RABL6: variants seen among roughly 807,000 people sequenced by gnomAD.
The protein encoded by RABL6 is rab-like protein 6.
In RABL6, 28 loss-of-function variants were observed where a neutral mutation model predicts 72.9. The ratio of observed to expected loss-of-function variants is 0.38; its 90% CI spans 0.28 to 0.53. The LOEUF (loss-of-function observed/expected upper bound fraction) is 0.53. Ranked by LOEUF, RABL6 falls within the 20% of genes least tolerant of loss-of-function variation. The probability of loss-of-function intolerance (pLI) is 0.80; values close to 1 mark genes in which losing one functional copy is unlikely to be tolerated. For synonymous variants in RABL6, 477 were observed against 421.2 expected (o/e 1.13, Z -1.62); for missense variants, 1,029 against 1,008.4 (o/e 1.02, Z -0.28).
chr9:136,821,125 A>G (rs1170672834), intron 1 of RABL6, among the ~76,000 whole-genome samples: 2 of 152,322 alleles, frequency 1.3e-5, no homozygotes, highest in Admixed American at 6.5e-5. Context: ...CTTTGTTAAC[A>G]TTGGTTCTTG....
At chr9:136,815,288 A>G in intron 1 of RABL6, 1 of 279,630 alleles carries the variant, frequency 3.6e-6, no homozygotes, top group Non-Finnish European at 7.3e-6. Context: ...CTTTGCCTGG[A>G]GTGACAGTTG....
In RABL6 at chr9:136,828,636, A is replaced by G. The variant is rs1439810899; in HGVS notation, c.366+90A>G. 21 of 1,403,810 alleles carry G rather than the reference A, an allele frequency of 1.5e-5. No homozygotes were observed. The East Asian group carries it at 4.4e-4, about 29-fold the overall frequency. 87.0% of individuals were successfully genotyped at this position (1,403,810 alleles called of 1,614,324 possible). On this transcript the variant is annotated intron_variant, in intron 4 of 14. Transcript: ENST00000311502. ...AGCGCTTCACACGCTTTTGACCCCA[A>G]CCACCCCAGTTATGCTGTGGCCACG...
chr9:136,840,123 G>C, intron 13 of RABL6, 31 bp from the exon 14 acceptor site: 1 of 1,612,948 alleles, frequency 6.2e-7, no homozygotes, highest in Non-Finnish European at 8.5e-7. Context: ...GTTGGCCTGA[G>C]TTTGAGCCAC....
At position 136,839,548 on chromosome 9, in the gene RABL6, G is replaced by C; in HGVS notation, c.1758+62G>C. On this transcript the variant is annotated intron_variant, in intron 12 of 14. Transcript: ENST00000311502. ...TGGCCAGGGTCCCTCCCACAGGCCTGATCTGGGTGGGTGCAGTGGGAGGAG... is the reference window on the plus strand; with the variant it reads ...TGGCCAGGGTCCCTCCCACAGGCCTCATCTGGGTGGGTGCAGTGGGAGGAG... The C allele has an allele frequency of 3.2e-6, 5 of 1,568,508 alleles. No homozygotes were observed. The East Asian group carries it at 9.0e-5, about 28-fold the overall frequency.
chr9:136,837,022 C>T (rs1223983077), intron 8 of RABL6: 6 of 445,532 alleles, frequency 1.3e-5, no homozygotes, highest in South Asian at 6.1e-5. Context: ...TACAGGCACC[C>T]GCCACCACAC....
intron 1 of RABL6, among the ~76,000 whole-genome samples, chr9:136,810,945 C>T (rs75060235): frequency 0.023 from 3,472 of 152,244 alleles, 129 homozygotes; most frequent in African/African-American, 0.079. Flanking sequence ...GGAACTGCTG[C>T]GGGTTTCCAG....
At chr9:136,812,930 C>A (rs562318151) in intron 1 of RABL6, 2 of 341,764 alleles carry the variant, frequency 5.9e-6, no homozygotes, top group Non-Finnish European at 1.2e-5. Flanking sequence ...AAGCCACCTT[C>A]GCCCTTAGGT....
rs1848348036 is a variant in RABL6 at position 136,826,003 on chromosome 9, C to G, written c.313+177C>G. Among the ~76,000 whole-genome samples the G allele has an allele frequency of 6.6e-6, 1 of 152,198 alleles. No individual in the cohort carries two copies. The highest frequency in any genetic ancestry group is 2.4e-5 in the African/African-American group (1 of 41,452). ...TGGCGACCCCGCAGCGTGGCGCAGC[C>G]CCTCCTGTGGCACTGCATGCTTTGC... On this transcript the variant is annotated intron_variant, in intron 3 of 14. Transcript: ENST00000311502. The surrounding 1 kb of genome is among the most constrained non-coding windows in gnomAD (Gnocchi z 4.9).
In RABL6 at chr9:136,839,693, G is replaced by A; in HGVS notation, c.1759-1G>A. 6.3e-7 allele frequency: 1 copy of A among 1,579,360 alleles called. No homozygotes were observed. Among genetic ancestry groups the A allele is most frequent in the Non-Finnish European group, 8.6e-7 (1 of 1,159,424 alleles). ...CTGACCAGTTGCTCTCCCTGCTCCA[G>A]GATGACTTTCCCGTGCGAGATGACC... On this transcript the variant is annotated splice_acceptor_variant, in intron 12 of 14. Transcript: ENST00000311502. LOFTEE classifies it high-confidence loss of function.
intron 1 of RABL6, among the ~76,000 whole-genome samples, chr9:136,812,464 C>T (rs1200481246): frequency 2.0e-5 from 3 of 152,042 alleles, no homozygotes; most frequent in African/African-American, 7.2e-5. Context: ...GAGGCTGAGG[C>T]AGGAGAATCG....
chr9:136,824,661 C>CAA (rs560659208), intron 2 of RABL6, among the ~76,000 whole-genome samples: 1 of 137,714 alleles, frequency 7.3e-6, no homozygotes, highest in Non-Finnish European at 1.6e-5. Flanking sequence ...CTTTTCACTG[C>CAA]AAAAAAAAAA....
At position 136,828,513 on chromosome 9, in the gene RABL6, C is replaced by G. The variant is rs753799352; in HGVS notation, c.333C>G (p.Gly111=). ...AATAAGGAAAATGCAAAAAGCGAGG[C>G]GACGGCTTAAAGATGGAGAACGACC... ...VVDKGKCKKR[G]DGLKMENDPQ... is the part of the protein sequence containing the mutation. The change falls in exon 4 of 15, where the codon GGC becomes GGG. Residue 111 remains glycine (G), a synonymous_variant. Coordinates refer to ENST00000311502, the MANE Select transcript of RABL6 (RefSeq NM_024718.5). 19 of 1,613,282 alleles carry G rather than the reference C, an allele frequency of 1.2e-5. No homozygotes were observed. The highest frequency in any genetic ancestry group is 1.7e-4 in the Middle Eastern group (1 of 5,764).
In RABL6 at chr9:136,828,622, C is replaced by T. The variant is rs912560515; in HGVS notation, c.366+76C>T. 59 of 1,490,584 alleles carry T rather than the reference C, an allele frequency of 4.0e-5. 1 individual carries two copies. Among genetic ancestry groups the T allele is most frequent in the Middle Eastern group, 2.3e-4 (1 of 4,336 alleles). 92.3% of individuals were successfully genotyped at this position (1,490,584 alleles called of 1,614,324 possible). ...GTGAGCCGGTGCCCAGCGCTTCACA[C>T]GCTTTTGACCCCAACCACCCCAGTT... On this transcript the variant is annotated intron_variant, in intron 4 of 14. Transcript: ENST00000311502.
intron 1 of RABL6, among the ~76,000 whole-genome samples, chr9:136,823,063 G>A (rs1848276658): frequency 6.8e-6 from 1 of 146,872 alleles, no homozygotes; most frequent in Non-Finnish European, 1.5e-5. Flanking sequence ...AGTACGGCCT[G>A]GGCAAAAAAG....
intron 7 of RABL6, chr9:136,834,219 C>T: frequency 8.3e-7 from 1 of 1,207,342 alleles, no homozygotes; most frequent in African/African-American, 1.5e-5. Flanking sequence ...CTAAAAAAAT[C>T]AGTTGTTTTT....
chr9:136,813,401 A>G, intron 1 of RABL6: 1 of 927,758 alleles, frequency 1.1e-6, no homozygotes, highest in Admixed American at 2.2e-5. Flanking sequence ...TGCTTAAACC[A>G]GAGTTTTTGA....
At chr9:136,827,562 C>T (rs905084209) in intron 3 of RABL6, 1 of 152,326 alleles carries the variant, frequency 6.6e-6, no homozygotes, top group Non-Finnish European at 1.5e-5. Context: ...GGTGCAGGCC[C>T]CCGACAGCCA....
At chr9:136,835,234 T>C (rs1848564063) in intron 7 of RABL6, 1 of 152,342 alleles carries the variant, frequency 6.6e-6, no homozygotes, top group Non-Finnish European at 1.5e-5. Context: ...GAATCTAAAG[T>C]GAGCAGCCAC....
rs1285553051 is a variant in RABL6 at position 136,839,223 on chromosome 9, T to C, written c.1495T>C (p.Ser499Pro). The change falls in exon 12 of 15, where the codon TCC (serine) becomes CCC (proline). Residue 499 changes from serine (S) to proline (P), a missense_variant and splice_region_variant. By Grantham distance (74) the Ser-to-Pro change is moderately conservative. Coordinates refer to ENST00000311502, the MANE Select transcript of RABL6 (RefSeq NM_024718.5). ...CTGACCCTCTGCTTGTCCACAAAGG[T>C]CCTCCATACCAGCTTCGAAGCCACG... ...QQCSEPETKW[S>P]SIPASKPRRG... The C allele has an allele frequency of 6.3e-7, 1 of 1,596,900 alleles. No individual in the cohort carries two copies. The highest frequency in any genetic ancestry group is 2.3e-5 in the East Asian group (1 of 44,144).
Sources: allele counts gnomAD v4.1 joint callset (sites outside exome capture counted in the v4.1 genomes callset), GRCh38; gene constraint gnomAD v4.1.1; non-coding constraint Gnocchi (gnomAD v3.1); transcripts MANE v1.5; gene names NCBI Gene and HGNC (gene_info 2026-07-23, HGNC 2026-07-21).